The following VPS50 variants were observed in gnomAD, a reference collection of about 807,000 sequenced individuals.
VPS50 encodes syndetin.
In VPS50, 70 loss-of-function variants were observed where a neutral mutation model predicts 139.7. The observed-to-expected ratio is 0.50, with a 90% CI of 0.41 to 0.61. The LOEUF is 0.61. Ranked by LOEUF, VPS50 falls within the 20% of genes least tolerant of loss-of-function variation. VPS50 has a pLI of 0.00. For synonymous variants in VPS50, 365 were observed against 376.7 expected, an observed-to-expected ratio of 0.97 and a Z score of 0.36; for missense variants, 921 against 1,133.7, an observed-to-expected ratio of 0.81 and a Z score of 2.69.
At chr7:93,295,635 C>T (rs1796785933) in intron 14 of VPS50, among the ~76,000 whole-genome samples, 1 of 152,046 alleles carries the variant, frequency 6.6e-6, no homozygotes, top group Admixed American at 6.6e-5. Context: ...ACCCTTTGGC[C>T]ATGTTATGGT....
At chr7:93,292,475 A>G (rs1025140806) in intron 13 of VPS50, among the ~76,000 whole-genome samples, 1 of 152,124 alleles carries the variant, frequency 6.6e-6, no homozygotes, top group Non-Finnish European at 1.5e-5. Flanking sequence ...TTATCCTTGA[A>G]CAGTAGCTGA....
At chr7:93,270,263 GTATT>G (rs1349236242) in intron 9 of VPS50, among the ~76,000 whole-genome samples, 4 of 151,818 alleles carry the variant, frequency 2.6e-5, no homozygotes, top group African/African-American at 9.7e-5. Context: ...TAGAAACAGA[GTATT>G]TCTGACACCC....
intron 4 of VPS50, 49 bp from the exon 5 acceptor site, chr7:93,256,460 C>A: frequency 2.4e-6 from 2 of 848,082 alleles, no homozygotes; most frequent in Non-Finnish European, 3.6e-6. Flanking sequence ...TCATAGAAAG[C>A]ATGAAGTTTG....
rs1361129669 is a variant in VPS50, at chr7:93,259,642, T to A, written c.659+10T>A. ...ATTACAGTTGTATAAGGTAAGGTCA[T>A]GTAAATGTTTTAAAGCAGATTCTGT... is the stretch of plus-strand genomic sequence containing the variant. On this transcript the variant is annotated intron_variant, in intron 9 of 27. Transcript: ENST00000305866. 3.4e-6 allele frequency: 5 copies of A among 1,472,460 alleles called. No homozygotes were observed. The highest frequency in any genetic ancestry group is 1.7e-5 in the Admixed American group (1 of 58,576). The allele number at this position is 1,472,460 out of a possible 1,614,324, so 91.2% of individuals were successfully genotyped here. A position where few individuals can be genotyped will look rare whatever the true frequency, so the allele number is the denominator to read the frequency against.
intron 2 of VPS50, among the ~76,000 whole-genome samples, chr7:93,247,611 C>T (rs1381802320): frequency 2.0e-5 from 3 of 151,946 alleles, no homozygotes; most frequent in African/African-American, 7.2e-5. Context: ...TCATGTTCTG[C>T]TGTGCATTGT....
At chr7:93,243,352 C>T (rs1394371521) in intron 2 of VPS50, among the ~76,000 whole-genome samples, 1 of 151,828 alleles carries the variant, frequency 6.6e-6, no homozygotes, top group South Asian at 2.1e-4. Context: ...ATTAAATCAC[C>T]GTTTTTGGGT....
chr7:93,341,381 A>G lies in VPS50; in HGVS notation c.2059-46A>G, dbSNP rs764893277. The G allele has an allele frequency of 2.9e-6, 4 of 1,383,644 alleles. No individual in the cohort carries two copies. In the South Asian group the frequency reaches 4.0e-5, roughly 14 times the overall value. The allele number at this position is 1,383,644 out of a possible 1,614,324, so 85.7% of individuals were successfully genotyped here. A position where few individuals can be genotyped will look rare whatever the true frequency, so the allele number is the denominator to read the frequency against. On this transcript the variant is annotated intron_variant, in intron 22 of 27. Transcript: ENST00000305866. Reference sequence around the variant, plus strand: ...TTTTGTCAAAATCACGTGGTTTATTACTGTTAGATTTGTTATTCCAGGTTG... The same window carrying G: ...TTTTGTCAAAATCACGTGGTTTATTGCTGTTAGATTTGTTATTCCAGGTTG...
chr7:93,318,616 AT>A, intron 20 of VPS50, among the ~76,000 whole-genome samples: 1 of 152,332 alleles, frequency 6.6e-6, no homozygotes, highest in African/African-American at 2.4e-5. Flanking sequence ...GCCTTAAATC[AT>A]TTTTGTAGCA....
chr7:93,345,677 A>G (rs1048555492), intron 23 of VPS50, among the ~76,000 whole-genome samples: 1 of 152,192 alleles, frequency 6.6e-6, no homozygotes, highest in Admixed American at 6.5e-5. Flanking sequence ...TTCAATATAC[A>G]CAAATCAATA....
chr7:93,255,525 C>A (rs1189724568), intron 4 of VPS50, among the ~76,000 whole-genome samples: 1 of 152,156 alleles, frequency 6.6e-6, no homozygotes, highest in Non-Finnish European at 1.5e-5. Context: ...CGGACCAGTA[C>A]TCTCTATTAG....
intron 1 of VPS50, among the ~76,000 whole-genome samples, chr7:93,234,453 A>G (rs564330841): frequency 6.6e-6 from 1 of 152,346 alleles, no homozygotes; most frequent in South Asian, 2.1e-4. Flanking sequence ...CTGTGTACAA[A>G]GTGAGGTAAA....
intron 9 of VPS50, among the ~76,000 whole-genome samples, chr7:93,270,483 G>A (rs1795971799): frequency 6.6e-6 from 1 of 151,948 alleles, no homozygotes; most frequent in Non-Finnish European, 1.5e-5. Flanking sequence ...TTTTATGAAT[G>A]TATCACATTT....
chr7:93,332,555 G>A (rs1009302706), intron 21 of VPS50, among the ~76,000 whole-genome samples: 1 of 152,206 alleles, frequency 6.6e-6, no homozygotes, highest in Admixed American at 6.5e-5. Flanking sequence ...AAACAACGTG[G>A]AAGTACCTTA....
intron 13 of VPS50, among the ~76,000 whole-genome samples, chr7:93,292,691 C>G (rs1464103407): frequency 6.6e-6 from 1 of 151,958 alleles, no homozygotes; most frequent in Admixed American, 6.6e-5. Flanking sequence ...ACACCCAAAT[C>G]TCACTGTTTG....
At position 93,253,917 on chromosome 7, in the gene VPS50, C is replaced by A; in HGVS notation, c.283C>A (p.Gln95Lys). 6.3e-7 allele frequency: 1 copy of A among 1,581,496 alleles called. No homozygotes were observed. The highest frequency in any genetic ancestry group is 8.7e-7 in the Non-Finnish European group (1 of 1,154,682). ...ELEAYRDKLKQQQAAVSKKVA... is the reference protein window; with the variant it reads ...ELEAYRDKLKKQQAAVSKKVA... The stretch of plus-strand genomic sequence containing the variant: ...AGAGGCGTATAGAGACAAATTGAAA[C>A]AACAGCAAGCTGCAGTAAGTAAAAA... The change falls in exon 4 of 28, where the codon CAA (glutamine) becomes AAA (lysine). Residue 95 changes from glutamine (Q) to lysine (K), a missense_variant. This residue lies in a region of VPS50 where 744 missense variants were observed against 930.6 expected (regional missense o/e 0.80). Transcript: ENST00000305866.
Position 93,240,923 on chromosome 7 carries a change from T to A in VPS50, c.102+989T>A, listed in dbSNP as rs186880309. Among the ~76,000 whole-genome samples the A allele has an allele frequency of 7.9e-5, 12 of 152,252 alleles. No homozygotes were observed. In the East Asian group the frequency reaches 2.3e-3, roughly 29 times the overall value. On this transcript the variant is annotated intron_variant, in intron 2 of 27. Coordinates refer to ENST00000305866, the MANE Select transcript of VPS50 (RefSeq NM_017667.4). Reference sequence around the variant, plus strand: ...GCAATAAAATTATAACCAACCCTTTTGCATGAAATGGTTCAGACAAAAACT... The same window carrying A: ...GCAATAAAATTATAACCAACCCTTTAGCATGAAATGGTTCAGACAAAAACT...
At chr7:93,235,899 G>C (rs182789988) in intron 1 of VPS50, among the ~76,000 whole-genome samples, 1 of 152,212 alleles carries the variant, frequency 6.6e-6, no homozygotes, top group Non-Finnish European at 1.5e-5. Context: ...AAGATCACCA[G>C]TGGAATGAGT....
intron 12 of VPS50, among the ~76,000 whole-genome samples, chr7:93,286,503 T>G (rs1796490517): frequency 6.6e-6 from 1 of 151,738 alleles, no homozygotes; most frequent in Non-Finnish European, 1.5e-5. Context: ...AGAACCAGAG[T>G]GGTTTATTAT....
intron 20 of VPS50, among the ~76,000 whole-genome samples, chr7:93,312,367 A>G (rs1006962656): frequency 5.3e-5 from 8 of 152,164 alleles, no homozygotes; most frequent in African/African-American, 1.7e-4. Flanking sequence ...CATTGGTGTA[A>G]GTTGCCATGA....
Sources: gnomAD v4.1 joint callset for allele counts (sites outside exome capture counted in the v4.1 genomes callset) on GRCh38, gnomAD v4.1.1 for gene constraint, gnomAD v4.1.1 regional missense constraint, MANE v1.5 for transcripts, NCBI Gene and HGNC (gene_info 2026-07-23, HGNC 2026-07-21) for gene names.